BIRC6: variants seen among roughly 807,000 people sequenced by gnomAD.
The protein encoded by BIRC6 is dual E2 ubiquitin-conjugating enzyme/E3 ubiquitin-protein ligase BIRC6.
A neutral mutation model predicts 503.3 loss-of-function variants in BIRC6; 98 were observed. The ratio of observed to expected loss-of-function variants is 0.19; its 90% CI spans 0.17 to 0.23. The LOEUF (loss-of-function observed/expected upper bound fraction) is 0.23. Among genes scored for constraint, BIRC6 ranks in the 10% least tolerant of loss-of-function variants. The pLI is 1.00. For synonymous variants in BIRC6, 2,240 were observed against 2,078.7 expected, an observed-to-expected ratio of 1.08 and a Z score of -2.11; for missense variants, 5,360 against 5,806.0, an observed-to-expected ratio of 0.92 and a Z score of 2.50.
chr2:32,362,778 C>T (rs1404901509), intron 1 of BIRC6, among the ~76,000 whole-genome samples: 1 of 151,852 alleles, frequency 6.6e-6, no homozygotes, highest in Non-Finnish European at 1.5e-5. Flanking sequence ...GTTAAGATCC[C>T]AGTGTCTTAA....
At chr2:32,367,917 G>C (rs1281555697) in intron 1 of BIRC6, among the ~76,000 whole-genome samples, 1 of 152,168 alleles carries the variant, frequency 6.6e-6, no homozygotes, top group Admixed American at 6.5e-5. Context: ...TTACTTTTTA[G>C]AGGAAATGAA....
chr2:32,544,780 A>G (rs2057937701), intron 62 of BIRC6, among the ~76,000 whole-genome samples: 1 of 151,782 alleles, frequency 6.6e-6, no homozygotes, highest in Non-Finnish European at 1.5e-5. Flanking sequence ...AAATGTTGGC[A>G]TATAAGTGGG....
intron 59 of BIRC6, chr2:32,527,522 A>G (rs914957801): frequency 3.3e-5 from 5 of 152,230 alleles, no homozygotes; most frequent in Non-Finnish European, 5.9e-5. Flanking sequence ...AGTTTAGTAT[A>G]AAGAATGCCA....
At chr2:32,406,405 A>C (rs1221199245) in intron 8 of BIRC6, 94 bp from the exon 9 acceptor site, 2 of 908,424 alleles carry the variant, frequency 2.2e-6, no homozygotes, top group Non-Finnish European at 3.5e-6. Flanking sequence ...TCTCAAAAAA[A>C]CCCACAAAAC....
intron 13 of BIRC6, 97 bp downstream of exon 13, chr2:32,433,901 T>C (rs2044404777): frequency 2.0e-6 from 2 of 1,010,900 alleles, no homozygotes; most frequent in East Asian, 2.7e-5. Context: ...TCCCTTTCTG[T>C]CCCTTGTTGC....
intron 63 of BIRC6, among the ~76,000 whole-genome samples, 167 bp from the exon 64 acceptor site, chr2:32,547,683 T>TAA (rs2058147474): frequency 1.3e-5 from 2 of 152,234 alleles, no homozygotes; most frequent in African/African-American, 4.8e-5. Context: ...GTTTTAATAC[T>TAA]AGAAGTAGAA....
chr2:32,380,120 C>T, intron 2 of BIRC6, 33 bp from the exon 3 acceptor site: 1 of 1,412,420 alleles, frequency 7.1e-7, no homozygotes, highest in Non-Finnish European at 9.4e-7. Context: ...GTTGAATTTT[C>T]TGTGATTTTT....
intron 1 of BIRC6, among the ~76,000 whole-genome samples, chr2:32,366,610 G>A (rs913728027): frequency 3.9e-5 from 6 of 152,102 alleles, no homozygotes; most frequent in African/African-American, 1.2e-4. Context: ...CAGTGGGGAC[G>A]CAAGCAGGAG....
intron 61 of BIRC6, among the ~76,000 whole-genome samples, chr2:32,535,302 T>C (rs2057136010): frequency 6.7e-6 from 1 of 149,390 alleles, no homozygotes; most frequent in Non-Finnish European, 1.5e-5. Context: ...ATTACAACTT[T>C]ATTTTATTTT....
chr2:32,438,363 C>G (rs1206353185), intron 15 of BIRC6, among the ~76,000 whole-genome samples: 1 of 152,018 alleles, frequency 6.6e-6, no homozygotes, highest in Non-Finnish European at 1.5e-5. Context: ...GCACAGCAGG[C>G]AGGTAGCTAA....
At chr2:32,460,552 C>T (rs1049193123) in intron 23 of BIRC6, among the ~76,000 whole-genome samples, 1 of 151,716 alleles carries the variant, frequency 6.6e-6, no homozygotes, top group Non-Finnish European at 1.5e-5. Flanking sequence ...GCTGGGATTG[C>T]AGGCATCAGG....
At chr2:32,585,985 T>C (rs900959079) in intron 66 of BIRC6, among the ~76,000 whole-genome samples, 1 of 152,166 alleles carries the variant, frequency 6.6e-6, no homozygotes, top group African/African-American at 2.4e-5. Context: ...AACTTAGTAA[T>C]AGGTAATAAA....
chr2:32,409,828 T>G (rs116864512), intron 9 of BIRC6, among the ~76,000 whole-genome samples: 1 of 152,206 alleles, frequency 6.6e-6, no homozygotes, highest in African/African-American at 2.4e-5. Context: ...AAAAATTTAT[T>G]TTTTGGCCTA....
At chr2:32,564,857 C>T (rs968432185) in intron 65 of BIRC6, 7 of 152,286 alleles carry the variant, frequency 4.6e-5, no homozygotes, top group African/African-American at 1.7e-4. Context: ...ACTTGGACCT[C>T]TGGGAGAGGG....
intron 45 of BIRC6, among the ~76,000 whole-genome samples, chr2:32,494,091 A>G (rs944819600): frequency 6.6e-6 from 1 of 152,238 alleles, no homozygotes; most frequent in Non-Finnish European, 1.5e-5. Flanking sequence ...TAACAAAATC[A>G]GACTCCATGT....
chr2:32,502,987 A>C, intron 48 of BIRC6, 55 bp from the exon 49 acceptor site: 1 of 1,517,038 alleles, frequency 6.6e-7, no homozygotes, highest in Middle Eastern at 2.2e-4. Context: ...TTTACTTTTG[A>C]TGTTGAACCA....
In BIRC6 at chr2:32,431,403, C is replaced by T. The variant is rs371985548; in HGVS notation, c.3248+313C>T. On this transcript the variant is annotated intron_variant, in intron 12 of 73. Coordinates refer to ENST00000421745, the MANE Select transcript of BIRC6 (RefSeq NM_016252.4). ...TAGAGATGGGGTTTCACTCTGTTGG[C>T]CATGCTGGTCCCGAACTCCTGATCT... Among the ~76,000 whole-genome samples, 162 of 151,828 alleles carry T rather than the reference C, an allele frequency of 1.1e-3. 1 individual carries two copies. The highest frequency in any genetic ancestry group is 3.9e-3 in the African/African-American group (160 of 41,438).
intron 4 of BIRC6, among the ~76,000 whole-genome samples, chr2:32,391,575 A>G (rs72867233): frequency 0.016 from 2,383 of 150,844 alleles, 27 homozygotes; most frequent in African/African-American, 0.03. Context: ...TTAGAAGAGT[A>G]TTTTCCTGTT....
intron 1 of BIRC6, among the ~76,000 whole-genome samples, chr2:32,367,366 G>A (rs746188110): frequency 6.6e-6 from 1 of 152,026 alleles, no homozygotes; most frequent in Non-Finnish European, 1.5e-5. Flanking sequence ...GGAGGCTGAG[G>A]CAGGAGAATC....
Sources: gnomAD v4.1 joint callset for allele counts (sites outside exome capture counted in the v4.1 genomes callset) on GRCh38, gnomAD v4.1.1 for gene constraint, MANE v1.5 for transcripts, NCBI Gene and HGNC (gene_info 2026-07-23, HGNC 2026-07-21) for gene names.